POLR2B: variants seen among roughly 807,000 people sequenced by gnomAD.
POLR2B encodes DNA-directed RNA polymerase II subunit RPB2.
POLR2B carries 57 observed loss-of-function variants against 144.6 expected under a neutral mutation model. The observed-to-expected ratio is 0.39, with a 90% CI of 0.32 to 0.49. The LOEUF (loss-of-function observed/expected upper bound fraction) is 0.49, where lower values mean the gene tolerates loss of function less well. Among genes scored for constraint, POLR2B ranks in the 20% least tolerant of loss-of-function variants. The pLI is 0.83. For missense variants in POLR2B, 595 were observed against 1,467.4 expected, an observed-to-expected ratio of 0.41 and a Z score of 9.71; for synonymous variants, 442 against 469.8, an observed-to-expected ratio of 0.94 and a Z score of 0.77.
Position 56,995,244 on chromosome 4 carries a change from C to A in POLR2B, c.577-7C>A. The A allele has an allele frequency of 1.3e-6, 2 of 1,596,810 alleles. No homozygotes were observed. Among genetic ancestry groups the A allele is most frequent in the Non-Finnish European group, 1.7e-6 (2 of 1,168,534 alleles). On this transcript the variant is annotated splice_region_variant and splice_polypyrimidine_tract_variant and intron_variant, in intron 5 of 24. Coordinates refer to ENST00000314595, the MANE Select transcript of POLR2B (RefSeq NM_000938.3). ...TTATGGCTGTAACTTTCTTATTGTC[C>A]AAATAGGTTCTGATTGCCCAAGAGA...
intron 21 of POLR2B, among the ~76,000 whole-genome samples, chr4:57,024,327 A>G (rs1300697546): frequency 4.2e-5 from 1 of 24,082 alleles, no homozygotes; most frequent in Non-Finnish European, 8.2e-5. Flanking sequence ...ACTACATTCA[A>G]CTAATACATA....
intron 17 of POLR2B, among the ~76,000 whole-genome samples, 181 bp from the exon 18 acceptor site, chr4:57,021,971 T>TATGTATA: frequency 6.6e-6 from 1 of 152,340 alleles, no homozygotes; most frequent in South Asian, 2.1e-4. Context: ...AGATGCTACA[T>TATGTATA]ATGTATAACT....
intron 3 of POLR2B, among the ~76,000 whole-genome samples, chr4:56,992,629 G>C (rs774198441): frequency 6.9e-6 from 1 of 144,468 alleles, no homozygotes; most frequent in Non-Finnish European, 1.5e-5. Flanking sequence ...GCGCGATCTC[G>C]GCTCACTGCA....
At position 57,022,204 on chromosome 4, in the gene POLR2B, CAAG is replaced by C; in HGVS notation, c.2480_2482del (p.Glu827del). 6.2e-7 allele frequency: 1 copy of C among 1,612,506 alleles called. No homozygotes were observed. Among genetic ancestry groups the C allele is most frequent in the Non-Finnish European group, 8.5e-7 (1 of 1,178,742 alleles). On this transcript the variant is annotated inframe_deletion, in exon 18 of 25. Transcript: ENST00000314595. ...ACAGGAGTCTAAAAAAGGATTTGAT[CAAG>C]AAGAAGTTTTTGAGAAGCCTACACG...
intron 7 of POLR2B, among the ~76,000 whole-genome samples, chr4:57,003,070 C>T (rs1012375943): frequency 2.6e-5 from 4 of 152,198 alleles, no homozygotes; most frequent in African/African-American, 9.6e-5. Flanking sequence ...AAATCCATTA[C>T]ATGCCTTCTG....
rs755066139 is a variant in POLR2B at position 57,017,707 on chromosome 4, C to T, written c.2302C>T (p.Arg768Ter). ...GACTACACGGTCTATGGAATATCTACGATTTAGAGAGCTGCCAGCAGGTAT... is the reference window on the plus strand; with the variant it reads ...GACTACACGGTCTATGGAATATCTATGATTTAGAGAGCTGCCAGCAGGTAT... ...LVTTRSMEYLRFRELPAGINS... is the reference protein window; with the variant it reads ...LVTTRSMEYL The change falls in exon 16 of 25, where the codon CGA becomes TGA. Residue 768 changes from arginine (R) to a stop codon, truncating the protein, a stop_gained. Transcript: ENST00000314595. LOFTEE classifies it high-confidence loss of function. This position sits in a 1 kb window ranked among gnomAD's most constrained non-coding sequence, Gnocchi z 4.8. The T allele has an allele frequency of 7.4e-6, 12 of 1,613,226 alleles. No individual in the cohort carries two copies. Among genetic ancestry groups the T allele is most frequent in the South Asian group, 1.1e-5 (1 of 90,862 alleles).
chr4:57,017,823 G>T lies in POLR2B; in HGVS notation c.2323+95G>T. 2.7e-6 allele frequency: 2 copies of T among 739,892 alleles called. No homozygotes were observed. 45.8% of individuals were successfully genotyped at this position (739,892 alleles called of 1,614,324 possible). On this transcript the variant is annotated intron_variant, in intron 16 of 24. Coordinates refer to ENST00000314595, the MANE Select transcript of POLR2B (RefSeq NM_000938.3). The surrounding 1 kb of genome is among the most constrained non-coding windows in gnomAD (Gnocchi z 4.8). ...AGGATTAAAAAATAAATATGACATA[G>T]TGCCTGTTCTCACGGAATTTATAAT...
chr4:57,002,236 C>T (rs1019104743), intron 7 of POLR2B, among the ~76,000 whole-genome samples: 1 of 152,058 alleles, frequency 6.6e-6, no homozygotes, highest in African/African-American at 2.4e-5. Context: ...GCCGTGTTGC[C>T]CAGGCTGATC....
intron 6 of POLR2B, 132 bp from the exon 7 acceptor site, chr4:56,999,485 C>T (rs529774986): frequency 3.9e-6 from 2 of 506,480 alleles, no homozygotes; most frequent in Admixed American, 3.9e-5. Flanking sequence ...GGAGGTTCCT[C>T]ACAGTATTGG....
chr4:57,024,184 T>G, intron 21 of POLR2B, 72 bp downstream of exon 21: 1 of 779,388 alleles, frequency 1.3e-6, no homozygotes, highest in Non-Finnish European at 2.1e-6. Context: ...GTGATTGCTC[T>G]CACATTTGAG....
intron 2 of POLR2B, among the ~76,000 whole-genome samples, chr4:56,987,291 C>G (rs1206852800): frequency 6.6e-6 from 1 of 152,078 alleles, no homozygotes; most frequent in East Asian, 1.9e-4. Context: ...CCATCCAATT[C>G]TAAGTGTAAC....
Position 57,023,833 on chromosome 4 carries a change from A to T in POLR2B, c.2856+82A>T, listed in dbSNP as rs1292020268. 1.0e-6 allele frequency: 1 copy of T among 978,094 alleles called. No individual in the cohort carries two copies. The highest frequency in any genetic ancestry group is 1.6e-5 in the African/African-American group (1 of 60,704). 60.6% of individuals were successfully genotyped at this position (978,094 alleles called of 1,614,324 possible). On this transcript the variant is annotated intron_variant, in intron 20 of 24. Transcript: ENST00000314595. This position sits in a 1 kb window ranked among gnomAD's most constrained non-coding sequence, Gnocchi z 4.3. ...TAATCAAAATTTGCTTTAACTTAAG[A>T]GCTCAAAGATGATACAGGTTGAACT...
intron 14 of POLR2B, 49 bp downstream of exon 14, chr4:57,015,705 AT>A: frequency 1.3e-6 from 1 of 788,496 alleles, no homozygotes; most frequent in Non-Finnish European, 1.9e-6. Flanking sequence ...TTGAGATAGA[AT>A]TTACATACTG....
chr4:56,996,940 A>T (rs1287488110), intron 6 of POLR2B, among the ~76,000 whole-genome samples: 1 of 151,838 alleles, frequency 6.6e-6, no homozygotes, highest in Non-Finnish European at 1.5e-5. Flanking sequence ...CAACAACAAA[A>T]ACCCAAAAAT....
rs1723168227 is a variant in POLR2B, at chr4:57,010,848, T to C, written c.1649T>C (p.Met550Thr). ...CTGGAATTTTTAGAAGAATGGAGTA[T>C]GGAAAATTTAGAAGAAATTTCTCCT... ...PILEFLEEWS[M>T]ENLEEISPAA... The change falls in exon 12 of 25, where the codon ATG becomes ACG. Residue 550 changes from methionine (M) to threonine (T), a missense_variant. Coordinates refer to ENST00000314595, the MANE Select transcript of POLR2B (RefSeq NM_000938.3). The C allele has an allele frequency of 6.2e-7, 1 of 1,610,550 alleles. No individual in the cohort carries two copies. Among genetic ancestry groups the C allele is most frequent in the African/African-American group, 1.3e-5 (1 of 74,874 alleles).
Position 57,010,617 on chromosome 4 carries a change from GT to G in POLR2B, c.1548+121del, listed in dbSNP as rs761440654. ...ATTATGCAGAGTGGTTTAGAAATAA[GT>G]TTTTTTTATAATTGTATTCTTAGAA... On this transcript the variant is annotated intron_variant, in intron 11 of 24. Transcript: ENST00000314595. 7.5e-5 allele frequency: 101 copies of G among 1,355,420 alleles called. No individual in the cohort carries two copies. In the Middle Eastern group the frequency reaches 1.1e-3, roughly 14 times the overall value. 84.0% of individuals were successfully genotyped at this position (1,355,420 alleles called of 1,614,324 possible). A position where few individuals can be genotyped will look rare whatever the true frequency, so the allele number is the denominator to read the frequency against.
At position 57,015,620 on chromosome 4, in the gene POLR2B, T is replaced by C; in HGVS notation, c.1919T>C (p.Ile640Thr). The change falls in exon 14 of 25, where the codon ATT becomes ACT. Residue 640 changes from isoleucine to threonine, a missense_variant. Coordinates refer to ENST00000314595, the MANE Select transcript of POLR2B (RefSeq NM_000938.3). ...AAGCTACTTTTGAAGAAGAGGCATATTGACCAATTGAAAGAGAGAGAATAT... is the reference window on the plus strand; with the variant it reads ...AAGCTACTTTTGAAGAAGAGGCATACTGACCAATTGAAAGAGAGAGAATAT... ...KQKLLLKKRH[I>T]DQLKEREYNN... The C allele has an allele frequency of 8.0e-6, 12 of 1,495,556 alleles. No homozygotes were observed. The highest frequency in any genetic ancestry group is 9.9e-6 in the Non-Finnish European group (11 of 1,110,156). The allele number at this position is 1,495,556 out of a possible 1,614,324, so 92.6% of individuals were successfully genotyped here.
Position 57,023,373 on chromosome 4 carries a change from G to A in POLR2B, c.2559G>A (p.Leu853=). 6.2e-7 allele frequency: 1 copy of A among 1,613,972 alleles called. No homozygotes were observed. Among genetic ancestry groups the A allele is most frequent in the Non-Finnish European group, 8.5e-7 (1 of 1,179,880 alleles). Residue 853 remains leucine, a synonymous_variant, in exon 19 of 25, where the codon TTG becomes TTA. Coordinates refer to ENST00000314595, the MANE Select transcript of POLR2B (RefSeq NM_000938.3). The surrounding 1 kb of genome is among the most constrained non-coding windows in gnomAD (Gnocchi z 4.3). ...ACGACAAGCTGGATGATGATGGTTT[G>A]ATAGCTCCAGGGGTTCGTGTATCAG... is the stretch of plus-strand genomic sequence containing the variant. The part of the protein sequence containing the change: ...AIYDKLDDDG[L]IAPGVRVSGD...
At chr4:56,993,760 CTT>C (rs1438434320) in intron 3 of POLR2B, among the ~76,000 whole-genome samples, 2 of 151,958 alleles carry the variant, frequency 1.3e-5, no homozygotes, top group Non-Finnish European at 2.9e-5. Context: ...ATAAAAAAAT[CTT>C]TTTCTTTTGT....
Sources: gnomAD v4.1 joint callset for allele counts (sites outside exome capture counted in the v4.1 genomes callset) on GRCh38, gnomAD v4.1.1 for gene constraint, Gnocchi (gnomAD v3.1) non-coding constraint, MANE v1.5 for transcripts, NCBI Gene and HGNC (gene_info 2026-07-23, HGNC 2026-07-21) for gene names.